GAK: variants seen among roughly 807,000 people sequenced by gnomAD.
GAK encodes the protein cyclin-G-associated kinase.
A neutral mutation model predicts 143.9 loss-of-function variants in GAK; 79 were observed. The observed-to-expected ratio is 0.55, with a 90% CI of 0.46 to 0.66. The LOEUF (loss-of-function observed/expected upper bound fraction) is 0.66, where lower values mean the gene tolerates loss of function less well. GAK is among the 30% of genes least tolerant of loss of function. The probability of loss-of-function intolerance (pLI) is 0.00; values close to 1 mark genes in which losing one functional copy is unlikely to be tolerated. For missense variants in GAK, 1,693 were observed against 1,779.7 expected (o/e 0.95, Z 0.88); for synonymous variants, 881 against 765.5 (o/e 1.15, Z -2.49).
intron 4 of GAK, among the ~76,000 whole-genome samples, chr4:910,065 G>A (rs1721774338): frequency 6.6e-6 from 1 of 152,154 alleles, no homozygotes; most frequent in Non-Finnish European, 1.5e-5. Context: ...TCAAGGAAGG[G>A]CCAGGTGGGA....
rs1225182311 is a variant in GAK, at chr4:867,365, C to T, written c.2463G>A (p.Glu821=). The part of the protein sequence containing the change: ...SSKESESALM[E]DRDESEVSDE... ...CTGACACCTCACTCTCGTCTCTGTC[C>T]TCCATCAGGGCAGACTCGCTCTCCT... The change falls in exon 21 of 28, where the codon GAG becomes GAA. Residue 821 remains glutamate, a synonymous_variant. Coordinates refer to ENST00000314167, the MANE Select transcript of GAK (RefSeq NM_005255.4). The T allele has an allele frequency of 6.3e-7, 1 of 1,598,380 alleles. No individual in the cohort carries two copies. The highest frequency in any genetic ancestry group is 8.5e-7 in the Non-Finnish European group (1 of 1,169,918).
rs375679066 is a variant in GAK at position 919,062 on chromosome 4, T to C, written c.146-5394A>G. Among the ~76,000 whole-genome samples, 14 of 78,812 alleles carry C rather than the reference T, an allele frequency of 1.8e-4. 1 individual carries two copies. Among genetic ancestry groups the C allele is most frequent in the South Asian group, 5.8e-4 (1 of 1,734 alleles). The allele number at this position is 78,812 out of a possible 152,430, so 51.7% of individuals were successfully genotyped here. ...AGACAGAAGGCTCCAAAGGCCTCAG[T>C]GCCGCATGACCTTAGAAAGACAGAA... On this transcript the variant is annotated intron_variant, in intron 1 of 27. Coordinates refer to ENST00000314167, the MANE Select transcript of GAK (RefSeq NM_005255.4).
In GAK at chr4:932,093, G is replaced by C; in HGVS notation, c.95C>G (p.Thr32Arg). 1.2e-6 allele frequency: 2 copies of C among 1,603,276 alleles called. No individual in the cohort carries two copies. The highest frequency in any genetic ancestry group is 1.7e-6 in the Non-Finnish European group (2 of 1,176,004). Residue 32 changes from threonine (T) to arginine (R), a missense_variant, in exon 1 of 28, where the codon ACG (threonine) becomes AGG (arginine). By Grantham distance (71) the Thr-to-Arg change is moderately conservative. This residue lies in a region of GAK where 871 missense variants were observed against 991.0 expected (regional missense o/e 0.88). Coordinates refer to ENST00000314167, the MANE Select transcript of GAK (RefSeq NM_005255.4). This position sits in a 1 kb window ranked among gnomAD's most constrained non-coding sequence, Gnocchi z 4.0. ...GRDQSDFVGQTVELGELRLRV... is the reference protein window; with the variant it reads ...GRDQSDFVGQRVELGELRLRV... ...CAGCCGCAGCTCGCCCAGTTCCACC[G>C]TCTGCCCCACGAAGTCACTCTGGTC...
At chr4:851,414 C>T (rs1216921230) in intron 25 of GAK, 1 of 487,434 alleles carries the variant, frequency 2.1e-6, no homozygotes, top group Non-Finnish European at 3.7e-6. Context: ...AAACTTTCTG[C>T]AGAGACACAC....
At chr4:923,031 G>A (rs562315824) in intron 1 of GAK, among the ~76,000 whole-genome samples, 33 of 152,146 alleles carry the variant, frequency 2.2e-4, no homozygotes, top group Non-Finnish European at 4.0e-4. Context: ...TGCATCCTTC[G>A]AATGACAAAA....
At chr4:892,853 G>A (rs1717941649) in intron 9 of GAK, among the ~76,000 whole-genome samples, 1 of 152,236 alleles carries the variant, frequency 6.6e-6, no homozygotes, top group Non-Finnish European at 1.5e-5. Context: ...ACCTCAAGGA[G>A]GCCAGAGGAG....
At chr4:893,301 C>A in intron 9 of GAK, 76 bp downstream of exon 9, 1 of 1,099,280 alleles carries the variant, frequency 9.1e-7, no homozygotes, top group Non-Finnish European at 1.3e-6. Context: ...TCCCTCCCCT[C>A]TGCGGGGGAT....
At chr4:864,761 C>T (rs571959632) in intron 23 of GAK, among the ~76,000 whole-genome samples, 11 of 152,236 alleles carry the variant, frequency 7.2e-5, no homozygotes, top group Admixed American at 5.2e-4. Flanking sequence ...GGAAGAGCCA[C>T]GGGGTGCTAC....
At position 851,958 on chromosome 4, in the gene GAK, G is replaced by A; in HGVS notation, c.3300C>T (p.Phe1100=). The A allele has an allele frequency of 1.2e-6, 2 of 1,613,642 alleles. No individual in the cohort carries two copies. The highest frequency in any genetic ancestry group is 1.7e-6 in the Non-Finnish European group (2 of 1,179,814). Residue 1100 remains phenylalanine, a synonymous_variant, in exon 25 of 28, where the codon TTC becomes TTT. Coordinates refer to ENST00000314167, the MANE Select transcript of GAK (RefSeq NM_005255.4). ...SSGLQGSPAG[F]PPGGFIPKTA... is the part of the protein sequence containing the mutation. Reference sequence around the variant, plus strand: ...TTTTGGGAATGAAGCCCCCAGGAGGGAATCCAGCTGGTGAGCCTGTGGAGA... The same window carrying A: ...TTTTGGGAATGAAGCCCCCAGGAGGAAATCCAGCTGGTGAGCCTGTGGAGA...
chr4:854,068 G>A (rs1376581540), intron 24 of GAK, among the ~76,000 whole-genome samples: 3 of 151,680 alleles, frequency 2.0e-5, no homozygotes, highest in Admixed American at 1.3e-4. Flanking sequence ...AAAGTGCTGG[G>A]ATTACAGGCA....
intron 24 of GAK, among the ~76,000 whole-genome samples, chr4:857,782 C>T (rs930786295): frequency 9.9e-5 from 15 of 152,152 alleles, no homozygotes; most frequent in African/African-American, 3.1e-4. Context: ...TCTTTCCTTC[C>T]GCTTGCTGTA....
intron 1 of GAK, among the ~76,000 whole-genome samples, chr4:930,418 C>T (rs950760290): frequency 1.5e-4 from 23 of 151,666 alleles, no homozygotes; most frequent in African/African-American, 5.6e-4. Context: ...TGCTAAGTGA[C>T]CCACAAGCTT....
chr4:870,570 C>G (rs556779689), intron 19 of GAK, 141 bp downstream of exon 19: 1 of 769,776 alleles, frequency 1.3e-6, no homozygotes, highest in South Asian at 1.9e-5. Flanking sequence ...TTTCCAAAAC[C>G]TCCTGCAGCC....
In GAK at chr4:868,698, G is replaced by T; in HGVS notation, c.2249-13C>A. 6.5e-7 allele frequency: 1 copy of T among 1,546,998 alleles called. No individual in the cohort carries two copies. Among genetic ancestry groups the T allele is most frequent in the South Asian group, 1.2e-5 (1 of 84,018 alleles). On this transcript the variant is annotated splice_polypyrimidine_tract_variant and intron_variant, in intron 19 of 27. Coordinates refer to ENST00000314167, the MANE Select transcript of GAK (RefSeq NM_005255.4). ...AGCTCCGGCTTCCCTGCAGGAGAGG[G>T]AGGGCGTCAGGGCACTGGCACTGGC... is the stretch of plus-strand genomic sequence containing the variant.
chr4:867,069 G>A lies in GAK; in HGVS notation c.2759C>T (p.Ala920Val). The change falls in exon 21 of 28, where the codon GCC (alanine) becomes GTC (valine). Residue 920 changes from alanine (A) to valine (V), a missense_variant. By Grantham distance (64) the Ala-to-Val change is moderately conservative. Coordinates refer to ENST00000314167, the MANE Select transcript of GAK (RefSeq NM_005255.4). ...LLSCLLGPPE[A>V]ASQGPPEDLL... is the part of the protein sequence containing the mutation. Reference sequence around the variant, plus strand: ...ATCCTCCGGGGGCCCCTGGGAGGCGGCCTCAGGGGGCCCAAGGAGGCAGCT... The same window carrying A: ...ATCCTCCGGGGGCCCCTGGGAGGCGACCTCAGGGGGCCCAAGGAGGCAGCT... The A allele has an allele frequency of 2.0e-6, 3 of 1,535,040 alleles. No individual in the cohort carries two copies. The highest frequency in any genetic ancestry group is 2.5e-5 in the South Asian group (2 of 79,520).
intron 9 of GAK, among the ~76,000 whole-genome samples, chr4:893,132 C>T (rs768849606): frequency 4.0e-5 from 6 of 151,656 alleles, no homozygotes; most frequent in Admixed American, 6.6e-5. Flanking sequence ...GTGTGCCTCC[C>T]GCCCCTCTGT....
intron 24 of GAK, among the ~76,000 whole-genome samples, chr4:854,265 C>G (rs908895836): frequency 6.6e-6 from 1 of 152,160 alleles, no homozygotes; most frequent in Non-Finnish European, 1.5e-5. Context: ...ACCCTGCGCT[C>G]TCGCCCATTT....
At position 888,828 on chromosome 4, in the gene GAK, T is replaced by C; in HGVS notation, c.1205+19A>G. On this transcript the variant is annotated intron_variant, in intron 11 of 27. Coordinates refer to ENST00000314167, the MANE Select transcript of GAK (RefSeq NM_005255.4). ...AACGAGCGTGCGGCAGGTCCAGGGCTCTGGAGCCTCACACTCACTTAGCGA... is the reference window on the plus strand; with the variant it reads ...AACGAGCGTGCGGCAGGTCCAGGGCCCTGGAGCCTCACACTCACTTAGCGA... 6.3e-7 allele frequency: 1 copy of C among 1,593,270 alleles called. No homozygotes were observed. The highest frequency in any genetic ancestry group is 8.5e-7 in the Non-Finnish European group (1 of 1,171,454).
chr4:875,229 C>G (rs746429910), intron 18 of GAK, among the ~76,000 whole-genome samples: 19 of 152,130 alleles, frequency 1.2e-4, no homozygotes, highest in Non-Finnish European at 2.2e-4. Context: ...GCTGAAAACT[C>G]TAAGAGCACT....
Sources: gnomAD v4.1 joint callset for allele counts (sites outside exome capture counted in the v4.1 genomes callset) on GRCh38, gnomAD v4.1.1 for gene constraint, gnomAD v4.1.1 regional missense constraint, Gnocchi (gnomAD v3.1) non-coding constraint, MANE v1.5 for transcripts, NCBI Gene and HGNC (gene_info 2026-07-23, HGNC 2026-07-21) for gene names.